Variants in BICD1 observed in about 807,000 individuals in gnomAD.
BICD1 encodes the protein BICD cargo adaptor 1.
BICD1 carries 35 observed loss-of-function variants against 92.5 expected under a neutral mutation model. The observed-to-expected ratio is 0.38, with a 90% CI of 0.29 to 0.50. The LOEUF (loss-of-function observed/expected upper bound fraction) is 0.50, where lower values mean the gene tolerates loss of function less well. BICD1 is among the 20% of genes least tolerant of loss of function. BICD1 has a pLI of 0.93. For synonymous variants in BICD1, 429 were observed against 465.1 expected, an observed-to-expected ratio of 0.92 and a Z score of 1.00; for missense variants, 950 against 1,189.8, an observed-to-expected ratio of 0.80 and a Z score of 2.97.
intron 9 of BICD1, among the ~76,000 whole-genome samples, chr12:32,371,535 C>T (rs953791055): frequency 5.3e-5 from 8 of 152,066 alleles, no homozygotes; most frequent in African/African-American, 1.9e-4. Flanking sequence ...TTATTACACC[C>T]ATTTTTGTTG....
chr12:32,160,165 A>G (rs1224765011), intron 1 of BICD1, among the ~76,000 whole-genome samples: 1 of 152,118 alleles, frequency 6.6e-6, no homozygotes, highest in African/African-American at 2.4e-5. Context: ...TCCCACGGCC[A>G]TGTCCCAGCT....
chr12:32,319,639 G>A (rs776956055), intron 4 of BICD1, among the ~76,000 whole-genome samples: 44 of 151,800 alleles, frequency 2.9e-4, no homozygotes, highest in Non-Finnish European at 6.0e-4. Context: ...GTGCAGTGAC[G>A]TGATCTTGGA....
intron 1 of BICD1, among the ~76,000 whole-genome samples, chr12:32,170,584 G>T (rs1248371300): frequency 6.6e-6 from 1 of 152,206 alleles, no homozygotes; most frequent in African/African-American, 2.4e-5. Context: ...CTCAGCAGGT[G>T]AAGTCTTTTT....
chr12:32,230,439 TAAATAAGC>T (rs67577171), intron 2 of BICD1, among the ~76,000 whole-genome samples: 20,802 of 62,694 alleles, frequency 0.33, 1,646 homozygotes, highest in East Asian at 0.46. Flanking sequence ...AATAAATAAA[TAAATAAGC>T]AAGCAAATAA....
rs191768775 is a variant in BICD1, at chr12:32,379,648, C to T, written c.*2021C>T. 1 of 152,202 alleles carries T rather than the reference C, an allele frequency of 6.6e-6. No homozygotes were observed. Among genetic ancestry groups the T allele is most frequent in the Non-Finnish European group, 1.5e-5 (1 of 68,058 alleles). The allele number at this position is 152,202 out of a possible 1,614,324, so 9.4% of individuals were successfully genotyped here. On this transcript the variant is annotated 3_prime_UTR_variant, in exon 10 of 10. Coordinates refer to ENST00000652176, the MANE Select transcript of BICD1 (RefSeq NM_001714.4). ...CAATGAAAGAAAGCTTACCCCTGCC[C>T]TCACTTTGTGTTTTTTATTTTTCCC... is the stretch of plus-strand genomic sequence containing the variant.
intron 9 of BICD1, among the ~76,000 whole-genome samples, chr12:32,374,910 CTTTTTTTTT>C (rs1185628924): frequency 5.6e-4 from 28 of 49,632 alleles, no homozygotes; most frequent in Non-Finnish European, 5.8e-4. Flanking sequence ...ATTTATTTTC[CTTTTTTTTT>C]TTTTTTTTTT....
chr12:32,213,008 CT>C, intron 1 of BICD1, among the ~76,000 whole-genome samples: 1 of 152,208 alleles, frequency 6.6e-6, no homozygotes. Flanking sequence ...CTTGATACAG[CT>C]TCCCCAGATG....
In BICD1 at chr12:32,107,477, A is replaced by G; in HGVS notation, c.146A>G (p.Lys49Arg). 6.2e-7 allele frequency: 1 copy of G among 1,610,088 alleles called. No homozygotes were observed. Residue 49 changes from lysine (K) to arginine (R), a missense_variant, in exon 1 of 10, where the codon AAA (lysine) becomes AGA (arginine). By Grantham distance (26) the Lys-to-Arg change is conservative. Around this residue, in one of 5 missense-constraint regions of BICD1, gnomAD observed 202 missense variants for 205.3 expected, o/e 0.98. Coordinates refer to ENST00000652176, the MANE Select transcript of BICD1 (RefSeq NM_001714.4). ...GTGCTGGAGGAGAAGCTGACCCTCA[A>G]ACAGCAGTATGATGAACTGGAGGCT... Reference protein sequence around the residue: ...LVVLEEKLTLKQQYDELEAEY... With the variant: ...LVVLEEKLTLRQQYDELEAEY...
Position 32,306,018 on chromosome 12 carries a change from C to T in BICD1, c.901C>T (p.Arg301Trp), listed in dbSNP as rs763097210. 9 of 1,614,088 alleles carry T rather than the reference C, an allele frequency of 5.6e-6. No homozygotes were observed. The South Asian group carries it at 8.8e-5, about 16-fold the overall frequency. Residue 301 changes from arginine (R) to tryptophan (W), a missense_variant, in exon 4 of 10, where the codon CGG (arginine) becomes TGG (tryptophan). By Grantham distance (101) the Arg-to-Trp change is moderately radical. Transcript: ENST00000652176. ...GPLVKLNGDY[R>W]TPTLRKGESL... is the part of the protein sequence containing the mutation. ...TCTTGTGAAACTGAATGGAGACTAT[C>T]GGACTCCCACCTTAAGGAAAGGAGA...
intron 1 of BICD1, among the ~76,000 whole-genome samples, chr12:32,210,445 C>A (rs558792723): frequency 2.0e-5 from 3 of 151,936 alleles, no homozygotes; most frequent in Non-Finnish European, 4.4e-5. Context: ...ATAATGGGTA[C>A]GAAATTTCTG....
intron 1 of BICD1, among the ~76,000 whole-genome samples, chr12:32,124,403 T>G (rs1325686361): frequency 2.0e-5 from 3 of 152,162 alleles, no homozygotes; most frequent in African/African-American, 7.2e-5. Flanking sequence ...TATGTGACCT[T>G]AGGCCAATAT....
intron 1 of BICD1, among the ~76,000 whole-genome samples, chr12:32,214,899 G>T (rs1433456747): frequency 6.6e-6 from 1 of 152,040 alleles, no homozygotes; most frequent in East Asian, 1.9e-4. Flanking sequence ...TTATTAGGGG[G>T]ATGTGAAACA....
chr12:32,329,145 T>A (rs771259185), intron 5 of BICD1, among the ~76,000 whole-genome samples: 1 of 152,120 alleles, frequency 6.6e-6, no homozygotes, highest in African/African-American at 2.4e-5. Flanking sequence ...CGCTCTGTTG[T>A]CCAGGCTGGA....
intron 8 of BICD1, among the ~76,000 whole-genome samples, chr12:32,365,720 A>T (rs1012042958): frequency 6.6e-6 from 1 of 152,212 alleles, no homozygotes; most frequent in African/African-American, 2.4e-5. Context: ...AAATTAGTCT[A>T]AGACATTCCT....
At chr12:32,148,778 A>T (rs1212441890) in intron 1 of BICD1, among the ~76,000 whole-genome samples, 1 of 152,098 alleles carries the variant, frequency 6.6e-6, no homozygotes, top group Non-Finnish European at 1.5e-5. Context: ...CCAGCAGTTT[A>T]GGAGGCTGAG....
intron 2 of BICD1, among the ~76,000 whole-genome samples, chr12:32,265,661 C>G (rs904021067): frequency 1.3e-5 from 2 of 148,258 alleles, no homozygotes; most frequent in African/African-American, 5.0e-5. Flanking sequence ...TTCGCGGTTA[C>G]AGTGAGCTAT....
intron 1 of BICD1, among the ~76,000 whole-genome samples, chr12:32,203,918 C>T (rs928372759): frequency 1.3e-5 from 2 of 152,146 alleles, no homozygotes; most frequent in African/African-American, 4.8e-5. Context: ...TCATCAAAAG[C>T]ACTGTAAAAT....
intron 4 of BICD1, among the ~76,000 whole-genome samples, chr12:32,307,739 T>G (rs1948268499): frequency 6.6e-6 from 1 of 152,230 alleles, no homozygotes; most frequent in African/African-American, 2.4e-5. Flanking sequence ...TTTCTATGTC[T>G]TTTTGCTCAG....
chr12:32,242,000 G>T (rs1946248642), intron 2 of BICD1, among the ~76,000 whole-genome samples: 1 of 151,806 alleles, frequency 6.6e-6, no homozygotes, highest in African/African-American at 2.4e-5. Flanking sequence ...TTCAAGACCA[G>T]CCTGGGCAAC....
Sources: gnomAD v4.1 joint callset for allele counts (sites outside exome capture counted in the v4.1 genomes callset) on GRCh38, gnomAD v4.1.1 for gene constraint, gnomAD v4.1.1 regional missense constraint, MANE v1.5 for transcripts, NCBI Gene and HGNC (gene_info 2026-07-23, HGNC 2026-07-21) for gene names.